Variants in ZBTB10 observed in about 807,000 individuals in gnomAD.
ZBTB10 encodes zinc finger and BTB domain-containing protein 10.
In ZBTB10, 32 loss-of-function variants were observed where a neutral mutation model predicts 76.4. The ratio of observed to expected loss-of-function variants is 0.42; its 90% CI spans 0.32 to 0.56. The LOEUF is 0.56. Among genes scored for constraint, ZBTB10 ranks in the 20% least tolerant of loss-of-function variants. The pLI is 0.14. For synonymous variants in ZBTB10, 523 were observed against 432.9 expected (o/e 1.21, Z -2.58); for missense variants, 1,057 against 1,098.5 (o/e 0.96, Z 0.53).
chr8:80,487,114 G>A lies in ZBTB10; in HGVS notation c.304G>A (p.Gly102Ser), dbSNP rs755466169. ...GTTGCTGCTCCCCCAAGACGCGGGC[G>A]GCCCCACCTCGCTTGGCGGTGGCGC... Reference protein sequence around the residue: ...KELLLPQDAGGPTSLGGGAGG... With the variant: ...KELLLPQDAGSPTSLGGGAGG... The change falls in exon 1 of 6, where the codon GGC becomes AGC. Residue 102 changes from glycine (G) to serine (S), a missense_variant. By Grantham distance (56) the Gly-to-Ser change is moderately conservative. Coordinates refer to ENST00000455036, the MANE Select transcript of ZBTB10 (RefSeq NM_001105539.3). 1.3e-6 allele frequency: 2 copies of A among 1,514,224 alleles called. No individual in the cohort carries two copies. The highest frequency in any genetic ancestry group is 1.4e-5 in the African/African-American group (1 of 69,802). The allele number at this position is 1,514,224 out of a possible 1,614,324, so 93.8% of individuals were successfully genotyped here. A position where few individuals can be genotyped will look rare whatever the true frequency, so the allele number is the denominator to read the frequency against.
rs1414781627 is a variant in ZBTB10, at chr8:80,523,203, C to T, written c.*3675C>T. On this transcript the variant is annotated 3_prime_UTR_variant, in exon 6 of 6. Transcript: ENST00000455036. Reference sequence around the variant, plus strand: ...CTGTGACAGAGCTCGAATTTGACCACGTCTGATTCTGAAGCCCATACTCTT... The same window carrying T: ...CTGTGACAGAGCTCGAATTTGACCATGTCTGATTCTGAAGCCCATACTCTT... The T allele has an allele frequency of 1.3e-5, 2 of 151,902 alleles. No individual in the cohort carries two copies. The highest frequency in any genetic ancestry group is 4.8e-5 in the African/African-American group (2 of 41,392). The allele number at this position is 151,902 out of a possible 1,614,324, so 9.4% of individuals were successfully genotyped here. A position where few individuals can be genotyped will look rare whatever the true frequency, so the allele number is the denominator to read the frequency against.
chr8:80,504,554 A>G (rs548236409), intron 2 of ZBTB10, among the ~76,000 whole-genome samples: 1 of 148,272 alleles, frequency 6.7e-6, no homozygotes, highest in African/African-American at 2.4e-5. Flanking sequence ...CTACAGAGTC[A>G]TATTTGTTGT....
At chr8:80,492,076 A>T (rs948341557) in intron 1 of ZBTB10, among the ~76,000 whole-genome samples, 3 of 152,364 alleles carry the variant, frequency 2.0e-5, no homozygotes, top group Middle Eastern at 3.4e-3. Context: ...GTTGGTTTTT[A>T]ACACTTTAGG....
Position 80,523,963 on chromosome 8 carries a change from A to G in ZBTB10, c.*4435A>G, listed in dbSNP as rs897834350. 6.6e-6 allele frequency: 1 copy of G among 152,072 alleles called. No homozygotes were observed. Among genetic ancestry groups the G allele is most frequent in the Non-Finnish European group, 1.5e-5 (1 of 67,936 alleles). The allele number at this position is 152,072 out of a possible 1,614,324, so 9.4% of individuals were successfully genotyped here. ...CTAATATAAGTGTCCTAAGACATGT[A>G]TGTAAACTTCCGGAACTGTTTTGTC... On this transcript the variant is annotated 3_prime_UTR_variant, in exon 6 of 6. Coordinates refer to ENST00000455036, the MANE Select transcript of ZBTB10 (RefSeq NM_001105539.3).
chr8:80,501,068 G>A (rs1423955312), intron 2 of ZBTB10, among the ~76,000 whole-genome samples: 1 of 152,122 alleles, frequency 6.6e-6, no homozygotes, highest in Non-Finnish European at 1.5e-5. Context: ...GTTTCACCAT[G>A]TTGTCCAGGC....
chr8:80,493,659 A>G (rs1815704714), intron 1 of ZBTB10, among the ~76,000 whole-genome samples: 1 of 145,904 alleles, frequency 6.9e-6, no homozygotes. Flanking sequence ...TCTAATTTAA[A>G]AACAAAACAA....
At position 80,519,517 on chromosome 8, in the gene ZBTB10, C is replaced by G; in HGVS notation, c.2605C>G (p.Leu869Val). 1 of 1,608,198 alleles carries G rather than the reference C, an allele frequency of 6.2e-7. No homozygotes were observed. The highest frequency in any genetic ancestry group is 8.5e-7 in the Non-Finnish European group (1 of 1,177,198). ...WDESGEVCMS[L>V]DD The stretch of plus-strand genomic sequence containing the variant: ...TGAATCAGGAGAAGTTTGTATGTCT[C>G]TAGATGATTAACTGACCTACTATAC... The change falls in exon 6 of 6, where the codon CTA (leucine) becomes GTA (valine). Residue 869 changes from leucine to valine, a missense_variant. Coordinates refer to ENST00000455036, the MANE Select transcript of ZBTB10 (RefSeq NM_001105539.3).
chr8:80,485,864 C>T (rs1462195136), upstream of ZBTB10: 5 of 1,535,660 alleles, frequency 3.3e-6, no homozygotes, highest in South Asian at 6.0e-5. Flanking sequence ...AAGGAAAATG[C>T]GCGTCCCGGG....
chr8:80,518,172 T>C (rs1816376862), intron 3 of ZBTB10, among the ~76,000 whole-genome samples: 1 of 151,652 alleles, frequency 6.6e-6, no homozygotes, highest in Non-Finnish European at 1.5e-5. Context: ...TGGCCCATGA[T>C]TAATTTTTTT....
rs750224996 is a variant in ZBTB10 at position 80,500,128 on chromosome 8, G to A, written c.1607G>A (p.Ser536Asn). The A allele has an allele frequency of 9.9e-6, 16 of 1,613,916 alleles. No homozygotes were observed. Among genetic ancestry groups the A allele is most frequent in the Admixed American group, 8.3e-5 (5 of 60,006 alleles). ...ATAGAAAACTACCAAATGAATGACA[G>A]TAGTTGGGTCCAGGATGGATCTCCT... ...GQIENYQMND[S>N]SWVQDGSPEM... Residue 536 changes from serine (S) to asparagine (N), a missense_variant, in exon 2 of 6, where the codon AGT (serine) becomes AAT (asparagine). By Grantham distance (46) the Ser-to-Asn change is conservative. Around this residue, in one of 5 missense-constraint regions of ZBTB10, gnomAD observed 306 missense variants for 297.5 expected, o/e 1.03. Transcript: ENST00000455036.
chr8:80,486,217 C>G (rs1417590025), upstream of ZBTB10: 5 of 1,076,568 alleles, frequency 4.6e-6, no homozygotes, highest in African/African-American at 5.1e-5. Flanking sequence ...GGCGCACGGT[C>G]CGTTGTTCAT....
In ZBTB10 at chr8:80,520,693, C is replaced by T. The variant is rs766552354; in HGVS notation, c.*1165C>T. 6.6e-6 allele frequency: 1 copy of T among 151,942 alleles called. No individual in the cohort carries two copies. The highest frequency in any genetic ancestry group is 1.5e-5 in the Non-Finnish European group (1 of 67,878). The allele number at this position is 151,942 out of a possible 1,614,324, so 9.4% of individuals were successfully genotyped here. A position where few individuals can be genotyped will look rare whatever the true frequency, so the allele number is the denominator to read the frequency against. The stretch of plus-strand genomic sequence containing the variant: ...ATTTATTTTTTTCTGTCCTTGAAGT[C>T]ACTACACCTTGATACAGTCTTTCTA... On this transcript the variant is annotated 3_prime_UTR_variant, in exon 6 of 6. Coordinates refer to ENST00000455036, the MANE Select transcript of ZBTB10 (RefSeq NM_001105539.3).
chr8:80,509,586 A>T (rs1377031415), intron 2 of ZBTB10, among the ~76,000 whole-genome samples: 1 of 152,170 alleles, frequency 6.6e-6, no homozygotes, highest in Admixed American at 6.5e-5. Context: ...AATTCCTGTC[A>T]TGACCAAGGC....
chr8:80,519,111 A>G, intron 5 of ZBTB10, 112 bp from the exon 6 acceptor site: 1 of 1,404,616 alleles, frequency 7.1e-7, no homozygotes, highest in Non-Finnish European at 9.5e-7. Flanking sequence ...AGCTTTTTAC[A>G]GAGAAACTGG....
Position 80,500,235 on chromosome 8 carries a change from G to A in ZBTB10, c.1714G>A (p.Gly572Ser). ...GGGCTCCCAGGGAATTCAAGAGACTGGCAAAACAAGGAGGAAAAACCAAAC... is the reference window on the plus strand; with the variant it reads ...GGGCTCCCAGGGAATTCAAGAGACTAGCAAAACAAGGAGGAAAAACCAAAC... ...NMGSQGIQET[G>S]KTRRKNQTTK... The change falls in exon 2 of 6, where the codon GGC (glycine) becomes AGC (serine). Residue 572 changes from glycine to serine, a missense_variant. Gly to Ser is a moderately conservative substitution (Grantham distance 56). Transcript: ENST00000455036. 6.3e-7 allele frequency: 1 copy of A among 1,593,040 alleles called. No individual in the cohort carries two copies. Among genetic ancestry groups the A allele is most frequent in the East Asian group, 2.3e-5 (1 of 43,946 alleles).
At chr8:80,486,137 AG>A, upstream of ZBTB10, 2 of 270,814 alleles carry the variant, frequency 7.4e-6, no homozygotes. Flanking sequence ...CCCCAAGCCC[AG>A]CCCCCCTCCC....
At chr8:80,490,913 G>C (rs1186373307) in intron 1 of ZBTB10, among the ~76,000 whole-genome samples, 4 of 152,180 alleles carry the variant, frequency 2.6e-5, no homozygotes, top group Admixed American at 2.0e-4. Flanking sequence ...CTATCGCCTG[G>C]TGATAGCGTA....
intron 4 of ZBTB10, 33 bp from the exon 5 acceptor site, chr8:80,518,749 A>T: frequency 6.3e-7 from 1 of 1,576,752 alleles, no homozygotes; most frequent in Non-Finnish European, 8.6e-7. Flanking sequence ...TTTAATGTGT[A>T]ATAAGCACTT....
intron 1 of ZBTB10, among the ~76,000 whole-genome samples, chr8:80,494,425 T>C (rs1465326233): frequency 6.6e-6 from 1 of 152,202 alleles, no homozygotes; most frequent in Non-Finnish European, 1.5e-5. Flanking sequence ...TTGTATTCTC[T>C]ACAAGTTGGT....
Sources: gnomAD v4.1 joint callset for allele counts (sites outside exome capture counted in the v4.1 genomes callset) on GRCh38, gnomAD v4.1.1 for gene constraint, gnomAD v4.1.1 regional missense constraint, MANE v1.5 for transcripts, NCBI Gene and HGNC (gene_info 2026-07-23, HGNC 2026-07-21) for gene names.